The following TF variants were observed in gnomAD, a reference collection of about 807,000 sequenced individuals.
TF encodes serotransferrin.
Under a neutral mutation model 82.4 loss-of-function variants are expected in TF, and 55 were observed. The ratio of observed to expected loss-of-function variants is 0.67; its 90% CI spans 0.54 to 0.84. TF has a LOEUF of 0.84. Ranked by LOEUF, TF falls within the 40% of genes least tolerant of loss-of-function variation. The probability of loss-of-function intolerance (pLI) is 0.00; values close to 1 mark genes in which losing one functional copy is unlikely to be tolerated. For synonymous variants in TF, 332 were observed against 332.6 expected (o/e 1.00, Z 0.02); for missense variants, 737 against 868.4 (o/e 0.85, Z 1.90).
chr3:133,695,354 T>A, the TF span, among the ~76,000 whole-genome samples: 1 of 151,568 alleles, frequency 6.6e-6, no homozygotes, highest in South Asian at 2.1e-4. Flanking sequence ...TTCAAGCGAT[T>A]CTCCTGCCTT....
chr3:133,737,080 C>T, the TF span, among the ~76,000 whole-genome samples: 1 of 152,124 alleles, frequency 6.6e-6, no homozygotes, highest in African/African-American at 2.4e-5. Context: ...TAAAACACTC[C>T]TCAGCAAATG....
rs1933923290 is a variant in TF, at chr3:133,759,332, A to G, written c.1203+3A>G. On this transcript the variant is annotated splice_donor_region_variant and intron_variant, in intron 9 of 16. Coordinates refer to ENST00000402696, the MANE Select transcript of TF (RefSeq NM_001063.4). ...AAGACTGCATCGCCAAGATCATGGTATGTCACTCCAGCCTTCCTAGGGCAG... is the reference window on the plus strand; with the variant it reads ...AAGACTGCATCGCCAAGATCATGGTGTGTCACTCCAGCCTTCCTAGGGCAG... The G allele has an allele frequency of 1.2e-6, 2 of 1,613,364 alleles. No homozygotes were observed. Among genetic ancestry groups the G allele is most frequent in the African/African-American group, 2.7e-5 (2 of 74,894 alleles).
In TF at chr3:133,764,232, G is replaced by A. The variant is rs148459932; in HGVS notation, c.1254G>A (p.Ala418=). The change falls in exon 10 of 17, where the codon GCG becomes GCA. Residue 418 remains alanine, a synonymous_variant. Transcript: ENST00000402696. The part of the protein sequence containing the change: ...MSLDGGFVYI[A]GKCGLVPVLA... Reference sequence around the variant, plus strand: ...TGGATGGAGGGTTTGTCTACATAGCGGGCAAGTGTGGTCTGGTGCCTGTCT... The same window carrying A: ...TGGATGGAGGGTTTGTCTACATAGCAGGCAAGTGTGGTCTGGTGCCTGTCT... 123 of 1,613,928 alleles carry A rather than the reference G, an allele frequency of 7.6e-5. No homozygotes were observed. In the South Asian group the frequency reaches 1.1e-3, roughly 15 times the overall value.
chr3:133,768,494 A>G (rs1200144844), intron 13 of TF, among the ~76,000 whole-genome samples: 1 of 152,242 alleles, frequency 6.6e-6, no homozygotes. Flanking sequence ...TGCTACTAGC[A>G]TCTAACACGT....
At chr3:133,678,954 C>A in the TF span, among the ~76,000 whole-genome samples, 1 of 152,086 alleles carries the variant, frequency 6.6e-6, no homozygotes, top group Non-Finnish European at 1.5e-5. Flanking sequence ...CTCACTGCAA[C>A]CTCCACCTCC....
upstream of TF, among the ~76,000 whole-genome samples, chr3:133,744,461 C>T (rs1933452612): frequency 6.6e-6 from 1 of 152,214 alleles, no homozygotes; most frequent in Admixed American, 6.5e-5. Context: ...TCCAGTTAGC[C>T]TTGCCCCTGA....
chr3:133,742,664 T>C (rs9990147), upstream of TF, among the ~76,000 whole-genome samples: 150,322 of 152,298 alleles, frequency 0.99, 74,222 homozygotes, highest in East Asian at 1. Flanking sequence ...GACCCAGACT[T>C]AGAGAAGTCT....
the TF span, among the ~76,000 whole-genome samples, chr3:133,734,525 C>T: frequency 1.6e-5 from 2 of 127,052 alleles, no homozygotes; most frequent in Non-Finnish European, 3.3e-5. Context: ...TATAACCCAC[C>T]AAACAAAACA....
intron 7 of TF, among the ~76,000 whole-genome samples, chr3:133,757,482 G>A (rs1348074857): frequency 6.6e-6 from 1 of 152,188 alleles, no homozygotes; most frequent in East Asian, 1.9e-4. Flanking sequence ...AGTTTGACTG[G>A]TAACCACACA....
chr3:133,675,761 GC>G, the TF span, among the ~76,000 whole-genome samples: 9 of 152,176 alleles, frequency 5.9e-5, no homozygotes, highest in African/African-American at 2.2e-4. Flanking sequence ...TGCCCTGAGT[GC>G]TTTTTTGCCC....
chr3:133,754,665 G>A lies in TF; in HGVS notation c.496G>A (p.Glu166Lys), dbSNP rs1387887289. The change falls in exon 4 of 17, where the codon GAG becomes AAG. Residue 166 changes from glutamate to lysine, a missense_variant. Coordinates refer to ENST00000402696, the MANE Select transcript of TF (RefSeq NM_001063.4). ...CDLPEPRKPL[E>K]KAVANFFSGS... ...CTTACCTGAGCCACGTAAACCTCTT[G>A]AGAAAGGTAAGCTGGCAGGAGTCTG... The A allele has an allele frequency of 6.2e-6, 10 of 1,614,028 alleles. No homozygotes were observed. The highest frequency in any genetic ancestry group is 6.8e-6 in the Non-Finnish European group (8 of 1,180,034).
intron 8 of TF, 53 bp downstream of exon 8, chr3:133,757,999 GCA>G: frequency 6.3e-7 from 1 of 1,581,914 alleles, no homozygotes; most frequent in South Asian, 1.1e-5. Context: ...AACCTGGTGA[GCA>G]CAGGGGCCAG....
At chr3:133,771,612 C>T (rs1934259157) in intron 14 of TF, among the ~76,000 whole-genome samples, 1 of 151,612 alleles carries the variant, frequency 6.6e-6, no homozygotes, top group South Asian at 2.1e-4. Flanking sequence ...TGGTGGGCGC[C>T]TGTAGTCCCA....
the TF span, among the ~76,000 whole-genome samples, chr3:133,714,393 A>G: frequency 6.6e-6 from 1 of 152,208 alleles, no homozygotes; most frequent in Non-Finnish European, 1.5e-5. Flanking sequence ...GTATTCCACT[A>G]CCAGACTACT....
the TF span, among the ~76,000 whole-genome samples, chr3:133,724,063 C>T: frequency 6.6e-6 from 1 of 152,154 alleles, no homozygotes; most frequent in Non-Finnish European, 1.5e-5. Context: ...CATTATTGGA[C>T]ATTTGGGTTG....
chr3:133,728,316 C>G, the TF span, among the ~76,000 whole-genome samples: 4 of 152,202 alleles, frequency 2.6e-5, no homozygotes, highest in African/African-American at 9.7e-5. Context: ...TTGGTCTGTT[C>G]ACATAGTCCC....
chr3:133,701,706 C>T, the TF span, among the ~76,000 whole-genome samples: 1 of 152,164 alleles, frequency 6.6e-6, no homozygotes, highest in African/African-American at 2.4e-5. Context: ...GAGGTGATGC[C>T]TGAGGAGCTG....
chr3:133,793,584 A>G lies in TF; in HGVS notation c.*14964A>G, dbSNP rs1284808665. The G allele has an allele frequency of 6.6e-6, 1 of 152,210 alleles. No individual in the cohort carries two copies. Among genetic ancestry groups the G allele is most frequent in the Non-Finnish European group, 1.5e-5 (1 of 68,020 alleles). 9.4% of individuals were successfully genotyped at this position (152,210 alleles called of 1,614,324 possible). On this transcript the variant is annotated 3_prime_UTR_variant, in exon 17 of 17. Transcript: ENST00000402696. ...AATTGTATGAGATTTCTAAAATTCC[A>G]ATATGTCTGAGTATATGCTATCAAT... is the stretch of plus-strand genomic sequence containing the variant.
intron 13 of TF, 131 bp from the exon 14 acceptor site, chr3:133,770,377 T>C (rs1199626788): frequency 4.9e-6 from 4 of 819,672 alleles, no homozygotes; most frequent in Non-Finnish European, 8.7e-6. Flanking sequence ...CTTACATTGC[T>C]TACTGTTAGA....
Sources: gnomAD v4.1 joint callset for allele counts (sites outside exome capture counted in the v4.1 genomes callset) on GRCh38, gnomAD v4.1.1 for gene constraint, MANE v1.5 for transcripts, NCBI Gene and HGNC (gene_info 2026-07-23, HGNC 2026-07-21) for gene names.